Variants in SOX5 observed in about 807,000 individuals in gnomAD.
SOX5 encodes SRY-box transcription factor 5, also known as transcription factor SOX-5.
SOX5 carries 9 observed loss-of-function variants against 92.0 expected under a neutral mutation model. The ratio of observed to expected loss-of-function variants is 0.10; its 90% CI spans 0.06 to 0.17. The LOEUF is 0.17. SOX5 is among the 10% of genes least tolerant of loss of function. SOX5 has a pLI of 1.00. For synonymous variants in SOX5, 344 were observed against 336.3 expected, an observed-to-expected ratio of 1.02 and a Z score of -0.25; for missense variants, 642 against 944.5, an observed-to-expected ratio of 0.68 and a Z score of 4.20.
chr12:23,669,461 G>C (rs2084386069), intron 6 of SOX5, among the ~76,000 whole-genome samples: 1 of 151,918 alleles, frequency 6.6e-6, no homozygotes, highest in South Asian at 2.1e-4. Flanking sequence ...TATGCATCAG[G>C]GTAAGAAACT....
intron 1 of SOX5, among the ~76,000 whole-genome samples, chr12:24,438,505 G>A (rs1051109014): frequency 3.9e-5 from 6 of 152,046 alleles, no homozygotes; most frequent in African/African-American, 1.4e-4. Context: ...AGTGGAACTA[G>A]GCCAACTAAA....
chr12:24,506,625 T>C (rs1180954526), intron 1 of SOX5, among the ~76,000 whole-genome samples: 1 of 152,074 alleles, frequency 6.6e-6, no homozygotes, highest in African/African-American at 2.4e-5. Flanking sequence ...GTGGCTATAG[T>C]TTGGCTCTGC....
chr12:24,251,468 T>C (rs1040117383), intron 3 of SOX5, among the ~76,000 whole-genome samples: 2 of 152,160 alleles, frequency 1.3e-5, no homozygotes, highest in African/African-American at 4.8e-5. Context: ...TTTCTTAGGG[T>C]CAGACAGTCT....
At chr12:23,737,808 G>C (rs145669989) in intron 5 of SOX5, among the ~76,000 whole-genome samples, 31 of 151,682 alleles carry the variant, frequency 2.0e-4, no homozygotes, top group Non-Finnish European at 4.0e-4. Context: ...CCTCTTTCTG[G>C]AATACTCTGC....
At chr12:23,643,012 G>A (rs1286870482) in intron 7 of SOX5, among the ~76,000 whole-genome samples, 3 of 109,702 alleles carry the variant, frequency 2.7e-5, no homozygotes, top group African/African-American at 5.6e-5. Flanking sequence ...GCATGAACCC[G>A]GGAGGCGGAG....
chr12:24,515,480 A>G (rs1316575207), intron 1 of SOX5, among the ~76,000 whole-genome samples: 1 of 151,670 alleles, frequency 6.6e-6, no homozygotes, highest in African/African-American at 2.4e-5. Flanking sequence ...AAGATGGCTG[A>G]ATAAGGAATC....
chr12:23,653,192 T>C (rs1024113483), intron 7 of SOX5, among the ~76,000 whole-genome samples: 3 of 152,068 alleles, frequency 2.0e-5, no homozygotes, highest in Non-Finnish European at 4.4e-5. Flanking sequence ...CTCAAAGTAC[T>C]ACTCACTTGT....
At chr12:24,448,959 A>G in intron 1 of SOX5, among the ~76,000 whole-genome samples, 1 of 152,016 alleles carries the variant, frequency 6.6e-6, no homozygotes, top group East Asian at 1.9e-4. Flanking sequence ...AGGAAATGCC[A>G]CCAGCCTGTA....
At chr12:23,594,360 T>C (rs1952037517) in intron 9 of SOX5, among the ~76,000 whole-genome samples, 1 of 152,148 alleles carries the variant, frequency 6.6e-6, no homozygotes, top group South Asian at 2.1e-4. Flanking sequence ...CTATCTACAC[T>C]GTTGACCACT....
intron 2 of SOX5, among the ~76,000 whole-genome samples, chr12:24,297,992 ATACGCAT>A (rs995264208): frequency 1.2e-4 from 18 of 152,248 alleles, no homozygotes; most frequent in African/African-American, 3.4e-4. Flanking sequence ...CTCCCTATGA[ATACGCAT>A]TACTCCTTTT....
intron 9 of SOX5, among the ~76,000 whole-genome samples, chr12:23,594,231 C>T (rs7132996): frequency 0.72 from 109,841 of 151,674 alleles, 39,958 homozygotes; most frequent in Middle Eastern, 0.81. Context: ...AAGTATTCTG[C>T]GTTGAATCTA....
chr12:24,401,903 C>G (rs1227345547), intron 1 of SOX5, among the ~76,000 whole-genome samples: 1 of 152,026 alleles, frequency 6.6e-6, no homozygotes, highest in East Asian at 1.9e-4. Flanking sequence ...CTATTTCTAG[C>G]TTTTATGATC....
chr12:24,110,372 G>A (rs1947178644), intron 4 of SOX5, among the ~76,000 whole-genome samples: 1 of 152,148 alleles, frequency 6.6e-6, no homozygotes, highest in Non-Finnish European at 1.5e-5. Context: ...TCTAGATGAT[G>A]ACCATCTCTT....
At chr12:24,060,491 T>C (rs1386094165) in intron 4 of SOX5, among the ~76,000 whole-genome samples, 1 of 152,364 alleles carries the variant, frequency 6.6e-6, no homozygotes, top group Non-Finnish European at 1.5e-5. Context: ...GCAAAGTTCT[T>C]ACATTTTTTA....
chr12:24,316,556 G>A (rs752044008), intron 2 of SOX5, among the ~76,000 whole-genome samples: 148 of 152,154 alleles, frequency 9.7e-4, no homozygotes, highest in Non-Finnish European at 1.6e-3. Flanking sequence ...ACTTTTGGGT[G>A]TGAAGGAAGG....
chr12:23,623,411 G>A (rs1286657122), intron 8 of SOX5, among the ~76,000 whole-genome samples: 1 of 152,020 alleles, frequency 6.6e-6, no homozygotes, highest in African/African-American at 2.4e-5. Flanking sequence ...CATGGGGCAG[G>A]AAATATTACT....
At chr12:24,543,430 T>G (rs1015872507) in intron 1 of SOX5, among the ~76,000 whole-genome samples, 1 of 152,264 alleles carries the variant, frequency 6.6e-6, no homozygotes, top group Non-Finnish European at 1.5e-5. Context: ...CTCACACCTG[T>G]AATCCGAGCA....
At chr12:24,198,588 A>G (rs1040639233) in intron 4 of SOX5, among the ~76,000 whole-genome samples, 1 of 152,264 alleles carries the variant, frequency 6.6e-6, no homozygotes, top group African/African-American at 2.4e-5. Context: ...AACCCGATCC[A>G]TTAACCCTCT....
intron 4 of SOX5, among the ~76,000 whole-genome samples, chr12:24,145,965 A>G (rs1951038960): frequency 6.6e-6 from 1 of 152,248 alleles, no homozygotes; most frequent in African/African-American, 2.4e-5. Flanking sequence ...TATGAATGAG[A>G]TAACAGAGGT....
Sources: allele counts gnomAD v4.1 joint callset (sites outside exome capture counted in the v4.1 genomes callset), GRCh38; gene constraint gnomAD v4.1.1; transcripts MANE v1.5; gene names NCBI Gene and HGNC (gene_info 2026-07-23, HGNC 2026-07-21).